The following NPEPPS variants were observed in gnomAD, a reference collection of about 807,000 sequenced individuals.
The protein encoded by NPEPPS is aminopeptidase puromycin sensitive, also known as puromycin-sensitive aminopeptidase.
Under a neutral mutation model 115.5 loss-of-function variants are expected in NPEPPS, and 14 were observed. That is an observed-to-expected ratio of 0.12 (90% confidence interval 0.08 to 0.19). The LOEUF (loss-of-function observed/expected upper bound fraction) is 0.19, where lower values mean the gene tolerates loss of function less well. NPEPPS is among the 10% of genes least tolerant of loss of function. NPEPPS has a pLI of 1.00. For missense variants in NPEPPS, 523 were observed against 1,110.8 expected (o/e 0.47, Z 7.52); for synonymous variants, 285 against 390.6 (o/e 0.73, Z 3.19).
At chr17:47,611,276 A>T (rs1481401279) in intron 17 of NPEPPS, among the ~76,000 whole-genome samples, 2 of 151,686 alleles carry the variant, frequency 1.3e-5, no homozygotes, top group African/African-American at 2.4e-5. Context: ...CCTGGCCAAC[A>T]TGGCAAAACC....
intron 2 of NPEPPS, among the ~76,000 whole-genome samples, chr17:47,550,329 GTTT>G (rs1198481590): frequency 2.1e-5 from 2 of 95,810 alleles, no homozygotes; most frequent in Non-Finnish European, 2.3e-5. Flanking sequence ...GCATGTGTGT[GTTT>G]TTTTTTTTTT....
chr17:47,555,509 G>A (rs1229669365), intron 2 of NPEPPS, among the ~76,000 whole-genome samples: 5 of 151,522 alleles, frequency 3.3e-5, no homozygotes, highest in African/African-American at 4.8e-5. Flanking sequence ...CACCACACCC[G>A]GCTAATTTTG....
upstream of NPEPPS, among the ~76,000 whole-genome samples, chr17:47,526,206 C>G (rs1438785150): frequency 6.6e-6 from 1 of 152,040 alleles, no homozygotes; most frequent in Non-Finnish European, 1.5e-5. Flanking sequence ...AAGCAAAACT[C>G]CATCTCAAAA....
chr17:47,550,919 C>T (rs1038301118), intron 2 of NPEPPS, among the ~76,000 whole-genome samples: 7 of 152,086 alleles, frequency 4.6e-5, no homozygotes, highest in African/African-American at 1.4e-4. Context: ...TGAGCCACCA[C>T]GCCCGGCCCA....
intron 2 of NPEPPS, among the ~76,000 whole-genome samples, chr17:47,546,403 G>A (rs1374841505): frequency 6.6e-6 from 1 of 152,068 alleles, no homozygotes; most frequent in Admixed American, 6.6e-5. Flanking sequence ...TCCAGCCTGT[G>A]CGACAGAGTG....
At chr17:47,539,646 G>C (rs1327408041) in intron 1 of NPEPPS, among the ~76,000 whole-genome samples, 2 of 152,052 alleles carry the variant, frequency 1.3e-5, no homozygotes, top group Non-Finnish European at 2.9e-5. Flanking sequence ...TTATTCCTAT[G>C]TATAGTTTAA....
intron 5 of NPEPPS, among the ~76,000 whole-genome samples, chr17:47,583,357 G>C (rs575288415): frequency 6.6e-6 from 1 of 152,188 alleles, no homozygotes; most frequent in African/African-American, 2.4e-5. Context: ...AGTCAAGGTA[G>C]GCAGATCGCT....
chr17:47,534,813 C>G (rs1567832842), intron 1 of NPEPPS, among the ~76,000 whole-genome samples: 1 of 151,660 alleles, frequency 6.6e-6, no homozygotes. Flanking sequence ...AGGTGATCCC[C>G]TTCCCTTGGC....
At chr17:47,587,495 A>G (rs2611867) in intron 9 of NPEPPS, among the ~76,000 whole-genome samples, 151 bp downstream of exon 9, 78,697 of 149,150 alleles carry the variant, frequency 0.53, 21,078 homozygotes, top group East Asian at 0.65. Flanking sequence ...CACTTTGAAA[A>G]GGCTTATCAG....
At chr17:47,544,163 G>A (rs1161003127) in intron 1 of NPEPPS, among the ~76,000 whole-genome samples, 1 of 152,002 alleles carries the variant, frequency 6.6e-6, no homozygotes, top group Non-Finnish European at 1.5e-5. Flanking sequence ...CAAAGTGCTG[G>A]GATTACAGGC....
In NPEPPS at chr17:47,531,414, C is replaced by T. The variant is rs1457525825; in HGVS notation, c.114C>T (p.His38=). The change falls in exon 1 of 23, where the codon CAC becomes CAT. Residue 38 remains histidine, a synonymous_variant. Transcript: ENST00000322157. ...GCCGCTCCTCTCGCCGCCGCCTCCA[C>T]AGCCTGGGCCTCGCCGCGATGCCGG... ...VFSRSSRRRL[H]SLGLAAMPEK... is the part of the protein sequence containing the mutation. The T allele has an allele frequency of 3.9e-6, 6 of 1,547,412 alleles. No homozygotes were observed. The highest frequency in any genetic ancestry group is 2.7e-5 in the African/African-American group (2 of 72,918).
intron 1 of NPEPPS, among the ~76,000 whole-genome samples, chr17:47,539,911 T>C (rs1441783469): frequency 6.6e-6 from 1 of 152,170 alleles, no homozygotes; most frequent in Non-Finnish European, 1.5e-5. Flanking sequence ...GCAAATTGAC[T>C]CAGGCTTCAG....
intron 4 of NPEPPS, chr17:47,581,850 C>T (rs1911899928): frequency 6.6e-6 from 1 of 152,178 alleles, no homozygotes; most frequent in Non-Finnish European, 1.5e-5. Context: ...CATGTGTCAC[C>T]ATGCCTGGTT....
At chr17:47,543,145 C>CAAAAAAA (rs941024934) in intron 1 of NPEPPS, among the ~76,000 whole-genome samples, 9 of 53,044 alleles carry the variant, frequency 1.7e-4, no homozygotes, top group Admixed American at 4.4e-4. Flanking sequence ...GACTCCATCT[C>CAAAAAAA]AAAAAAAAAA....
intron 19 of NPEPPS, among the ~76,000 whole-genome samples, chr17:47,615,298 G>A (rs1023562062): frequency 1.3e-5 from 2 of 152,020 alleles, no homozygotes; most frequent in African/African-American, 4.8e-5. Flanking sequence ...GGCAGGCCTC[G>A]AACTCCTGAC....
Position 47,570,377 on chromosome 17 carries a change from G to A in NPEPPS, c.418+883G>A, listed in dbSNP as rs113111967. ...GTGGAGGTTGCAGTGAACCGAGATCGTGCCACTGCACTCCAGCCTGGGTGA... is the reference window on the plus strand; with the variant it reads ...GTGGAGGTTGCAGTGAACCGAGATCATGCCACTGCACTCCAGCCTGGGTGA... On this transcript the variant is annotated intron_variant, in intron 3 of 22. Coordinates refer to ENST00000322157, the MANE Select transcript of NPEPPS (RefSeq NM_006310.4). Among the ~76,000 whole-genome samples the A allele has an allele frequency of 9.3e-4, 142 of 152,272 alleles. 1 individual carries two copies. Among genetic ancestry groups the A allele is most frequent in the African/African-American group, 1.8e-3 (74 of 41,552 alleles).
chr17:47,614,491 T>TA (rs1196281407), intron 19 of NPEPPS, among the ~76,000 whole-genome samples: 1 of 152,222 alleles, frequency 6.6e-6, no homozygotes, highest in Non-Finnish European at 1.5e-5. Flanking sequence ...CCTTTATTAA[T>TA]AGACAGGAAA....
intron 4 of NPEPPS, chr17:47,581,827 C>T (rs1354654443): frequency 6.6e-6 from 1 of 152,270 alleles, no homozygotes; most frequent in Non-Finnish European, 1.5e-5. Flanking sequence ...TCCCGAGTAG[C>T]TGGGATTACA....
intron 11 of NPEPPS, among the ~76,000 whole-genome samples, 191 bp from the exon 12 acceptor site, chr17:47,592,294 T>TA (rs1301604371): frequency 6.6e-6 from 1 of 152,012 alleles, no homozygotes; most frequent in Non-Finnish European, 1.5e-5. Context: ...TTACAAAACT[T>TA]AAGAGCAAGA....
Sources: gnomAD v4.1 joint callset for allele counts (sites outside exome capture counted in the v4.1 genomes callset) on GRCh38, gnomAD v4.1.1 for gene constraint, MANE v1.5 for transcripts, NCBI Gene and HGNC (gene_info 2026-07-23, HGNC 2026-07-21) for gene names.